The following FSTL4 variants were observed in gnomAD, a reference collection of about 807,000 sequenced individuals.
FSTL4 encodes follistatin like 4, also known as follistatin-related protein 4.
A neutral mutation model predicts 78.2 loss-of-function variants in FSTL4; 28 were observed. That is an observed-to-expected ratio of 0.36 (90% CI 0.27 to 0.49). The LOEUF is 0.49. Ranked by LOEUF, FSTL4 falls within the 20% of genes least tolerant of loss-of-function variation. The pLI, the probability that FSTL4 is intolerant of heterozygous loss-of-function variation, is 0.98. For missense variants in FSTL4, 922 were observed against 1,084.9 expected, an observed-to-expected ratio of 0.85 and a Z score of 2.11; for synonymous variants, 422 against 440.5, an observed-to-expected ratio of 0.96 and a Z score of 0.53.
chr5:133,778,564 T>C, the FSTL4 span, among the ~76,000 whole-genome samples: 17 of 152,162 alleles, frequency 1.1e-4, no homozygotes, highest in Non-Finnish European at 1.5e-4. Flanking sequence ...TCAAGAGAGC[T>C]TGTGGGAACT....
At chr5:133,289,768 T>G (rs1218660808) in intron 6 of FSTL4, among the ~76,000 whole-genome samples, 1 of 152,178 alleles carries the variant, frequency 6.6e-6, no homozygotes, top group Non-Finnish European at 1.5e-5. Flanking sequence ...CCTTAACTGG[T>G]AACACAACCT....
intron 7 of FSTL4, chr5:133,247,125 G>A (rs1561641796): frequency 1.3e-5 from 2 of 152,222 alleles, no homozygotes; most frequent in South Asian, 2.1e-4. Flanking sequence ...GGACCCCTGC[G>A]GGGCTGGTGC....
At chr5:133,818,971 G>GCA in the FSTL4 span, among the ~76,000 whole-genome samples, 2 of 48,708 alleles carry the variant, frequency 4.1e-5, no homozygotes, top group Non-Finnish European at 9.6e-5. Flanking sequence ...ACGTACGCAT[G>GCA]CACACACACA....
chr5:133,390,872 CAGGCAGAG>C (rs201704644), intron 4 of FSTL4, among the ~76,000 whole-genome samples: 8,315 of 152,182 alleles, frequency 0.055, 693 homozygotes, highest in African/African-American at 0.18. Flanking sequence ...TCCAGAAAAG[CAGGCAGAG>C]AGGCTGAGTG....
At chr5:133,800,565 G>A in the FSTL4 span, among the ~76,000 whole-genome samples, 6 of 138,610 alleles carry the variant, frequency 4.3e-5, no homozygotes, top group African/African-American at 7.9e-5. Context: ...GGGACCAACC[G>A]CTTCCTCCTC....
the FSTL4 span, among the ~76,000 whole-genome samples, chr5:133,814,699 G>C: frequency 2.0e-5 from 3 of 152,202 alleles, no homozygotes; most frequent in East Asian, 3.8e-4. Context: ...ACTATGTTGA[G>C]AGCGGAAGTC....
rs1258802334 is a variant in FSTL4, at chr5:133,249,596, G to A, written c.728-20C>T. On this transcript the variant is annotated intron_variant, in intron 6 of 15. Transcript: ENST00000265342. ...CCACTTCTGCAGAGGGAAAGGAGGAGGCACGGTCAGGTGCAGGCCCAGGGA... is the reference window on the plus strand; with the variant it reads ...CCACTTCTGCAGAGGGAAAGGAGGAAGCACGGTCAGGTGCAGGCCCAGGGA... 2 of 1,599,512 alleles carry A rather than the reference G, an allele frequency of 1.3e-6. No individual in the cohort carries two copies. Among genetic ancestry groups the A allele is most frequent in the Non-Finnish European group, 1.7e-6 (2 of 1,169,078 alleles).
intron 3 of FSTL4, among the ~76,000 whole-genome samples, chr5:133,449,320 G>A (rs1757333919): frequency 6.6e-6 from 1 of 152,124 alleles, no homozygotes; most frequent in Non-Finnish European, 1.5e-5. Context: ...CTTGTTTGGG[G>A]GACATCTCAA....
chr5:133,460,716 C>T lies in FSTL4; in HGVS notation c.161-59730G>A, dbSNP rs1757574901. Among the ~76,000 whole-genome samples the T allele has an allele frequency of 1.3e-5, 2 of 152,312 alleles. 1 individual carries two copies. Among genetic ancestry groups the T allele is most frequent in the South Asian group, 4.1e-4 (2 of 4,822 alleles). ...GGTCAGGGCAGGCCTGAATGCTAGT[C>T]ACACTGCTGGCTGTGTGACTTTGGG... On this transcript the variant is annotated intron_variant, in intron 3 of 15. Coordinates refer to ENST00000265342, the MANE Select transcript of FSTL4 (RefSeq NM_015082.2).
At chr5:133,805,997 T>C in the FSTL4 span, among the ~76,000 whole-genome samples, 6 of 152,234 alleles carry the variant, frequency 3.9e-5, no homozygotes, top group Non-Finnish European at 8.8e-5. Flanking sequence ...TCCCCATGTA[T>C]GGGATACCGC....
chr5:133,839,281 G>A, the FSTL4 span, among the ~76,000 whole-genome samples: 8 of 152,232 alleles, frequency 5.3e-5, no homozygotes, highest in East Asian at 1.9e-4. Context: ...AATCCACACC[G>A]CTCCTCATGG....
chr5:133,258,624 G>A (rs1484048471), intron 6 of FSTL4, among the ~76,000 whole-genome samples: 2 of 152,070 alleles, frequency 1.3e-5, no homozygotes, highest in East Asian at 3.9e-4. Context: ...TCCTCTCCTC[G>A]TCTTTGGAGG....
chr5:133,422,178 G>A (rs756920467), intron 3 of FSTL4, among the ~76,000 whole-genome samples: 4 of 152,178 alleles, frequency 2.6e-5, no homozygotes, highest in South Asian at 2.1e-4. Context: ...GGTTAGAGGC[G>A]AGTTGGGGAC....
At chr5:133,416,302 G>A (rs1454803270) in intron 3 of FSTL4, among the ~76,000 whole-genome samples, 1 of 152,176 alleles carries the variant, frequency 6.6e-6, no homozygotes, top group Non-Finnish European at 1.5e-5. Context: ...TGGTGGAACT[G>A]ATTTTTAAAA....
At chr5:133,321,755 C>T (rs1257908918) in intron 4 of FSTL4, among the ~76,000 whole-genome samples, 1 of 152,226 alleles carries the variant, frequency 6.6e-6, no homozygotes, top group African/African-American at 2.4e-5. Flanking sequence ...TACAGTTGAA[C>T]TTCAGCATTG....
chr5:133,558,999 T>G (rs1384495398), intron 3 of FSTL4, among the ~76,000 whole-genome samples: 1 of 152,160 alleles, frequency 6.6e-6, no homozygotes, highest in Non-Finnish European at 1.5e-5. Flanking sequence ...AAAGATTTGT[T>G]AAAAAAACAA....
At chr5:133,414,432 CGGAAGGACCCT>C (rs534796729) in intron 3 of FSTL4, among the ~76,000 whole-genome samples, 298 of 152,188 alleles carry the variant, frequency 2.0e-3, no homozygotes, top group African/African-American at 6.9e-3. Context: ...ATGCCTACCT[CGGAAGGACCCT>C]GGGATTTGTC....
intron 6 of FSTL4, among the ~76,000 whole-genome samples, chr5:133,306,246 C>T (rs1753652209): frequency 6.6e-6 from 1 of 152,208 alleles, no homozygotes; most frequent in Non-Finnish European, 1.5e-5. Context: ...CCAGGTTCTG[C>T]TGCATCACGA....
chr5:133,240,850 T>C (rs956405575), intron 7 of FSTL4, among the ~76,000 whole-genome samples: 1 of 152,210 alleles, frequency 6.6e-6, no homozygotes, highest in African/African-American at 2.4e-5. Flanking sequence ...AGAATTCATA[T>C]TACCCAGGGA....
Sources: gnomAD v4.1 joint callset for allele counts (sites outside exome capture counted in the v4.1 genomes callset) on GRCh38, gnomAD v4.1.1 for gene constraint, MANE v1.5 for transcripts, NCBI Gene and HGNC (gene_info 2026-07-23, HGNC 2026-07-21) for gene names.